NUP37: variants seen among roughly 807,000 people sequenced by gnomAD.
NUP37 encodes the protein nucleoporin Nup37.
In NUP37, 33 loss-of-function variants were observed where a neutral mutation model predicts 45.4. The ratio of observed to expected loss-of-function variants is 0.73; its 90% CI spans 0.55 to 0.97. The LOEUF is 0.97. NUP37 is among the 50% of genes least tolerant of loss of function. The pLI is 0.00. For synonymous variants in NUP37, 127 were observed against 130.7 expected, an observed-to-expected ratio of 0.97 and a Z score of 0.19; for missense variants, 365 against 389.7, an observed-to-expected ratio of 0.94 and a Z score of 0.53.
chr12:102,095,356 AT>A, intron 5 of NUP37, among the ~76,000 whole-genome samples: 1 of 152,062 alleles, frequency 6.6e-6, no homozygotes. Context: ...ACGTATTTAT[AT>A]TTTTCTGTGC....
chr12:102,105,705 A>C (rs1339192930), intron 3 of NUP37, among the ~76,000 whole-genome samples: 4 of 151,960 alleles, frequency 2.6e-5, no homozygotes, highest in African/African-American at 7.2e-5. Flanking sequence ...TACTAAAAAC[A>C]CAAAAATTAG....
chr12:102,119,135 G>C (rs1880612383), intron 1 of NUP37: 2 of 152,246 alleles, frequency 1.3e-5, no homozygotes, highest in Admixed American at 6.5e-5. Flanking sequence ...ACAGCCTCCT[G>C]GCTTGAAGGA....
chr12:102,097,332 T>C (rs1879832334), intron 5 of NUP37, among the ~76,000 whole-genome samples: 1 of 152,224 alleles, frequency 6.6e-6, no homozygotes, highest in South Asian at 2.1e-4. Context: ...AGAGGCAATG[T>C]AGTCAGGTTT....
Position 102,118,354 on chromosome 12 carries a change from T to C in NUP37, c.156+9A>G, listed in dbSNP as rs182464707. On this transcript the variant is annotated intron_variant, in intron 2 of 9. Coordinates refer to ENST00000552283, the MANE Select transcript of NUP37 (RefSeq NM_024057.4). ...TTCACTGTCATTCGGTGCAGTTTTG[T>C]AGACTAACCTGAAACGTACACGTGC... 884 of 1,609,328 alleles carry C rather than the reference T, an allele frequency of 5.5e-4. 5 individuals carry two copies. The African/African-American group carries it at 0.01, about 19-fold the overall frequency.
intron 6 of NUP37, among the ~76,000 whole-genome samples, chr12:102,080,794 T>C (rs983762654): frequency 2.0e-5 from 3 of 152,182 alleles, no homozygotes; most frequent in South Asian, 2.1e-4. Flanking sequence ...TAGTGTGCTA[T>C]AGTATGCAGT....
intron 1 of NUP37, chr12:102,119,089 A>G (rs1880604364): frequency 6.6e-6 from 1 of 152,350 alleles, no homozygotes; most frequent in South Asian, 2.1e-4. Context: ...GGAAGACTTC[A>G]TTGTGTGTGG....
Position 102,073,500 on chromosome 12 carries a change from A to T in NUP37, c.*854T>A, listed in dbSNP as rs1356795585. 2 of 152,214 alleles carry T rather than the reference A, an allele frequency of 1.3e-5. No individual in the cohort carries two copies. The highest frequency in any genetic ancestry group is 2.9e-5 in the Non-Finnish European group (2 of 68,032). The allele number at this position is 152,214 out of a possible 1,614,324, so 9.4% of individuals were successfully genotyped here. On this transcript the variant is annotated 3_prime_UTR_variant, in exon 10 of 10. Transcript: ENST00000552283. ...TTCAAGGTAACTTTTGATCCCATAT[A>T]TCAGATGTTCTAAGACTGTTAGAAC...
Position 102,085,044 on chromosome 12 carries a change from A to G in NUP37, c.540+722T>C, listed in dbSNP as rs550189389. ...TAAGACAAATTTGCCTTATGCGACTAATGTTTTTTGTTCACACAGTAGGGC... is the reference window on the plus strand; with the variant it reads ...TAAGACAAATTTGCCTTATGCGACTGATGTTTTTTGTTCACACAGTAGGGC... On this transcript the variant is annotated intron_variant, in intron 6 of 9. Coordinates refer to ENST00000552283, the MANE Select transcript of NUP37 (RefSeq NM_024057.4). 1.1e-3 allele frequency among the ~76,000 whole-genome samples: 170 copies of G among 152,306 alleles called. 1 individual carries two copies. In the Middle Eastern group the frequency reaches 0.02, roughly 18 times the overall value.
chr12:102,113,621 G>T (rs1290171125), intron 2 of NUP37, among the ~76,000 whole-genome samples: 2 of 152,064 alleles, frequency 1.3e-5, no homozygotes, highest in African/African-American at 4.8e-5. Context: ...GACTAAAGAA[G>T]GCCAAATTTT....
chr12:102,079,320 A>C, intron 6 of NUP37: 2 of 443,316 alleles, frequency 4.5e-6, no homozygotes, highest in East Asian at 1.4e-4. Flanking sequence ...AACACATAAA[A>C]CATCATTTAT....
intron 4 of NUP37, among the ~76,000 whole-genome samples, 196 bp downstream of exon 4, chr12:102,100,836 G>C (rs1162926500): frequency 6.6e-5 from 10 of 152,140 alleles, no homozygotes; most frequent in African/African-American, 2.2e-4. Flanking sequence ...ATAATCTGCA[G>C]TCATTAAGAA....
intron 9 of NUP37, chr12:102,074,744 T>C (rs1355432179): frequency 6.9e-6 from 3 of 434,142 alleles, no homozygotes; most frequent in Admixed American, 8.0e-5. Context: ...AAGAAGAAAA[T>C]ATAAAAGCAA....
At chr12:102,082,028 T>G (rs779435667) in intron 6 of NUP37, among the ~76,000 whole-genome samples, 11 of 152,148 alleles carry the variant, frequency 7.2e-5, no homozygotes, top group Admixed American at 3.3e-4. Context: ...CTCTTTTTTC[T>G]TAGGGTCAGA....
At chr12:102,089,382 TCCTCACATCCCA>T in intron 5 of NUP37, among the ~76,000 whole-genome samples, 1 of 139,264 alleles carries the variant, frequency 7.2e-6, no homozygotes, top group Non-Finnish European at 1.5e-5. Context: ...GCAGAGGCAC[TCCTCACATCCCA>T]GACGGGGCAG....
At chr12:102,079,877 A>G (rs1292366196) in intron 6 of NUP37, among the ~76,000 whole-genome samples, 2 of 152,244 alleles carry the variant, frequency 1.3e-5, no homozygotes, top group African/African-American at 4.8e-5. Context: ...TAGGTGAGCA[A>G]GTGCACATAA....
In NUP37 at chr12:102,075,001, C is replaced by T; in HGVS notation, c.867G>A (p.Gln289=). 6.3e-7 allele frequency: 1 copy of T among 1,593,386 alleles called. No homozygotes were observed. Among genetic ancestry groups the T allele is most frequent in the Non-Finnish European group, 8.6e-7 (1 of 1,167,084 alleles). ...QFQIHHLGHP[Q]PILMGSVAVG... ...ATGTTACAAAACATTTCCACATTAC[C>T]TGAGGGTGTCCTAAATGATGAATTT... Residue 289 remains glutamine (Q), a splice_region_variant and synonymous_variant, in exon 9 of 10, where the codon CAG becomes CAA. Transcript: ENST00000552283.
At chr12:102,076,771 C>T (rs1342804508) in intron 8 of NUP37, 26 bp downstream of exon 8, 28 of 1,607,032 alleles carry the variant, frequency 1.7e-5, no homozygotes, top group Non-Finnish European at 2.4e-5. Context: ...GATCAAATCA[C>T]AGCTCCAACA....
At position 102,079,759 on chromosome 12, in the gene NUP37, C is replaced by T. The variant is rs575007848; in HGVS notation, c.541-2256G>A. Among the ~76,000 whole-genome samples, 284 of 152,004 alleles carry T rather than the reference C, an allele frequency of 1.9e-3. 2 individuals carry two copies. Among genetic ancestry groups the T allele is most frequent in the Non-Finnish European group, 2.5e-3 (173 of 67,980 alleles). ...AAATTTTACACAGTAAAATTACCCA[C>T]AAAAAGTACAAAAATGTTAAAAATG... On this transcript the variant is annotated intron_variant, in intron 6 of 9. Coordinates refer to ENST00000552283, the MANE Select transcript of NUP37 (RefSeq NM_024057.4).
rs777460634 is a variant in NUP37, at chr12:102,073,724, G to C, written c.*630C>G. 3 of 151,622 alleles carry C rather than the reference G, an allele frequency of 2.0e-5. No homozygotes were observed. The highest frequency in any genetic ancestry group is 7.3e-5 in the African/African-American group (3 of 41,198). The allele number at this position is 151,622 out of a possible 1,614,324, so 9.4% of individuals were successfully genotyped here. ...TCTTTTGAGATAGTCTCGCTCTGTC[G>C]CCCAGGCTGCAGTGAAGTGGCACGA... On this transcript the variant is annotated 3_prime_UTR_variant, in exon 10 of 10. Transcript: ENST00000552283.
Sources: gnomAD v4.1 joint callset for allele counts (sites outside exome capture counted in the v4.1 genomes callset) on GRCh38, gnomAD v4.1.1 for gene constraint, MANE v1.5 for transcripts, NCBI Gene and HGNC (gene_info 2026-07-23, HGNC 2026-07-21) for gene names.